The following AZIN2 variants were observed in gnomAD, a reference collection of about 807,000 sequenced individuals.
The protein encoded by AZIN2 is antizyme inhibitor 2, also known as ODC antizyme inhibitor-2.
In AZIN2, 28 loss-of-function variants were observed where a neutral mutation model predicts 47.8. The ratio of observed to expected loss-of-function variants is 0.59; its 90% CI spans 0.43 to 0.80. AZIN2 has a LOEUF of 0.80. Ranked by LOEUF, AZIN2 falls within the 30% of genes least tolerant of loss-of-function variation. The pLI is 0.00. For synonymous variants in AZIN2, 221 were observed against 239.4 expected (o/e 0.92, Z 0.71); for missense variants, 535 against 582.5 (o/e 0.92, Z 0.84).
chr1:33,129,667 G>A, the AZIN2 span, among the ~76,000 whole-genome samples: 8 of 152,026 alleles, frequency 5.3e-5, no homozygotes, highest in Non-Finnish European at 2.9e-5. The surrounding 1 kb of genome is among the most constrained non-coding windows in gnomAD (Gnocchi z 4.1). Context: ...TTCCCTTCTC[G>A]AAGAGAAAAC....
intron 11 of AZIN2, chr1:33,119,067 A>C (rs1644697091): frequency 6.6e-6 from 1 of 152,426 alleles, no homozygotes; most frequent in Admixed American, 6.5e-5. Context: ...TGCTGTGTCC[A>C]GTCTCAGGAC....
At chr1:33,114,072 T>G (rs1644405408) in intron 10 of AZIN2, among the ~76,000 whole-genome samples, 1 of 152,154 alleles carries the variant, frequency 6.6e-6, no homozygotes, top group Non-Finnish European at 1.5e-5. Flanking sequence ...TTTTTTCTTT[T>G]TATCTCATTT....
downstream of AZIN2, among the ~76,000 whole-genome samples, chr1:33,124,195 G>T (rs942473020): frequency 2.6e-5 from 4 of 151,964 alleles, no homozygotes; most frequent in Non-Finnish European, 4.4e-5. This position sits in a 1 kb window ranked among gnomAD's most constrained non-coding sequence, Gnocchi z 4.6. Context: ...AATAAAAAAA[G>T]AAAATGGGTA....
the AZIN2 span, chr1:33,159,796 T>C: frequency 6.2e-7 from 1 of 1,613,914 alleles, no homozygotes; most frequent in Non-Finnish European, 8.5e-7. This position sits in a 1 kb window ranked among gnomAD's most constrained non-coding sequence, Gnocchi z 4.2. Flanking sequence ...CTGCTGGCTG[T>C]AGCGCTGGAC....
intron 10 of AZIN2, among the ~76,000 whole-genome samples, chr1:33,100,564 CGTGTGT>C (rs57021036): frequency 1.3e-5 from 2 of 148,322 alleles, no homozygotes; most frequent in Admixed American, 6.7e-5. Flanking sequence ...GATAGAAACA[CGTGTGT>C]GTGTGTGTGT....
the AZIN2 span, chr1:33,147,471 G>A: frequency 2.5e-6 from 4 of 1,613,854 alleles, no homozygotes; most frequent in South Asian, 3.3e-5. The surrounding 1 kb of genome is among the most constrained non-coding windows in gnomAD (Gnocchi z 8.1). Context: ...GCTGGATCTG[G>A]ATGCTGCCCT....
At position 33,091,216 on chromosome 1, in the gene AZIN2, T is replaced by C. The variant is rs111345502; in HGVS notation, c.280-834T>C. Among the ~76,000 whole-genome samples, 708 of 152,306 alleles carry C rather than the reference T, an allele frequency of 4.6e-3. 11 individuals are homozygous for C. Among genetic ancestry groups the C allele is most frequent in the African/African-American group, 0.016 (682 of 41,562 alleles). ...CTTTCCTTTGGATGTATACCCAGTA[T>C]TGGATTGCTGGATCATATGGTAGTT... On this transcript the variant is annotated intron_variant, in intron 5 of 11. Transcript: ENST00000294517.
the AZIN2 span, among the ~76,000 whole-genome samples, chr1:33,157,905 C>T: frequency 1.1e-3 from 160 of 152,128 alleles, 3 homozygotes; most frequent in Middle Eastern, 0.02. Context: ...TACAGGTGCA[C>T]GCCACCATGC....
At chr1:33,140,278 G>A in the AZIN2 span, among the ~76,000 whole-genome samples, 1 of 152,210 alleles carries the variant, frequency 6.6e-6, no homozygotes, top group Admixed American at 6.5e-5. This position sits in a 1 kb window ranked among gnomAD's most constrained non-coding sequence, Gnocchi z 4.0. Flanking sequence ...GTTTACCCAG[G>A]TCTCGACTCA....
downstream of AZIN2, among the ~76,000 whole-genome samples, chr1:33,126,703 C>A (rs1644858781): frequency 1.3e-5 from 2 of 151,830 alleles, no homozygotes; most frequent in African/African-American, 4.8e-5. Context: ...GGCAGGGAGG[C>A]ACGTAGGACC....
chr1:33,137,720 C>G, the AZIN2 span, among the ~76,000 whole-genome samples: 20 of 152,172 alleles, frequency 1.3e-4, no homozygotes, highest in African/African-American at 4.8e-4. Context: ...AGAAAACTTT[C>G]AAGTGGCTCA....
At chr1:33,144,106 T>C in the AZIN2 span, among the ~76,000 whole-genome samples, 3 of 151,352 alleles carry the variant, frequency 2.0e-5, no homozygotes, top group Non-Finnish European at 4.4e-5. Flanking sequence ...ATGCAAACGT[T>C]GATATATGAT....
At chr1:33,161,456 C>G in the AZIN2 span, among the ~76,000 whole-genome samples, 3 of 152,116 alleles carry the variant, frequency 2.0e-5, no homozygotes, top group Non-Finnish European at 4.4e-5. The surrounding 1 kb of genome is among the most constrained non-coding windows in gnomAD (Gnocchi z 4.3). Context: ...GTGCCCAGGG[C>G]TCTGTGGGAG....
chr1:33,153,279 CAA>C, the AZIN2 span, among the ~76,000 whole-genome samples: 1 of 152,218 alleles, frequency 6.6e-6, no homozygotes, highest in South Asian at 2.1e-4. Flanking sequence ...GGGGCCCAGC[CAA>C]CCAGGCTGCT....
At chr1:33,094,742 G>T in intron 8 of AZIN2, 29 bp downstream of exon 8, 1 of 1,611,528 alleles carries the variant, frequency 6.2e-7, no homozygotes. Context: ...GTGTCATGCT[G>T]GGCTCTATGG....
intron 11 of AZIN2, 85 bp downstream of exon 11, chr1:33,118,201 G>C: frequency 7.2e-7 from 1 of 1,392,646 alleles, no homozygotes; most frequent in Non-Finnish European, 9.5e-7. Context: ...TTCTGCTTCT[G>C]TGTAATCCAA....
intron 6 of AZIN2, among the ~76,000 whole-genome samples, chr1:33,092,444 C>G (rs940930231): frequency 6.6e-6 from 1 of 152,048 alleles, no homozygotes; most frequent in African/African-American, 2.4e-5. Context: ...CTGGACTGAA[C>G]CCAGGATGCT....
At chr1:33,140,193 A>C in the AZIN2 span, among the ~76,000 whole-genome samples, 1 of 152,124 alleles carries the variant, frequency 6.6e-6, no homozygotes, top group African/African-American at 2.4e-5. The surrounding 1 kb of genome is among the most constrained non-coding windows in gnomAD (Gnocchi z 4.0). Context: ...TGTTCAGCCG[A>C]TGAGGAACAG....
At chr1:33,115,793 T>A (rs756487541) in intron 10 of AZIN2, among the ~76,000 whole-genome samples, 2 of 152,262 alleles carry the variant, frequency 1.3e-5, no homozygotes, top group African/African-American at 2.4e-5. Context: ...CCTAATTTTT[T>A]AAAATTTACA....
Sources: gnomAD v4.1 joint callset for allele counts (sites outside exome capture counted in the v4.1 genomes callset) on GRCh38, gnomAD v4.1.1 for gene constraint, Gnocchi (gnomAD v3.1) non-coding constraint, MANE v1.5 for transcripts, NCBI Gene and HGNC (gene_info 2026-07-23, HGNC 2026-07-21) for gene names.